TASP1: variants seen among roughly 807,000 people sequenced by gnomAD.
The protein encoded by TASP1 is taspase 1.
Under a neutral mutation model 56.6 loss-of-function variants are expected in TASP1, and 16 were observed. The observed-to-expected ratio is 0.28, with a 90% CI of 0.19 to 0.43. The LOEUF (loss-of-function observed/expected upper bound fraction) is 0.43, where lower values mean the gene tolerates loss of function less well. TASP1 is among the 20% of genes least tolerant of loss of function. The probability of loss-of-function intolerance (pLI) is 1.00; values close to 1 mark genes in which losing one functional copy is unlikely to be tolerated. For synonymous variants in TASP1, 179 were observed against 184.2 expected (o/e 0.97, Z 0.23); for missense variants, 393 against 511.6 (o/e 0.77, Z 2.24).
intron 11 of TASP1, among the ~76,000 whole-genome samples, chr20:13,444,026 C>T (rs556184192): frequency 2.2e-4 from 33 of 152,312 alleles, no homozygotes; most frequent in African/African-American, 7.9e-4. Flanking sequence ...TATTCTTGAA[C>T]AAGACACTCT....
the TASP1 span, among the ~76,000 whole-genome samples, chr20:13,219,507 G>T: frequency 6.6e-6 from 1 of 150,994 alleles, no homozygotes; most frequent in South Asian, 2.1e-4. Flanking sequence ...CCTAGAGATA[G>T]AAATAAGATG....
intron 10 of TASP1, among the ~76,000 whole-genome samples, chr20:13,498,069 G>C (rs2043795673): frequency 6.6e-6 from 1 of 152,020 alleles, no homozygotes; most frequent in Admixed American, 6.6e-5. Flanking sequence ...AAGAATATAT[G>C]ACTAAGACCT....
chr20:13,601,091 C>T (rs1358022356), intron 4 of TASP1, among the ~76,000 whole-genome samples: 1 of 152,156 alleles, frequency 6.6e-6, no homozygotes, highest in East Asian at 1.9e-4. Context: ...GCCTGGGCAA[C>T]ACAGCGAAAC....
the TASP1 span, among the ~76,000 whole-genome samples, chr20:13,181,697 A>T: frequency 6.6e-6 from 1 of 152,190 alleles, no homozygotes; most frequent in Admixed American, 6.5e-5. Flanking sequence ...GCAAGATCAG[A>T]GGTCAAGTAG....
chr20:13,362,754 G>A, the TASP1 span, among the ~76,000 whole-genome samples: 12 of 147,420 alleles, frequency 8.1e-5, no homozygotes, highest in African/African-American at 2.8e-4. Flanking sequence ...ATCAGTGGTT[G>A]CCTAGAATTA....
intron 12 of TASP1, among the ~76,000 whole-genome samples, chr20:13,427,970 A>T (rs2146135229): frequency 6.6e-6 from 1 of 152,306 alleles, no homozygotes; most frequent in Non-Finnish European, 1.5e-5. Flanking sequence ...ATGTGTGCTC[A>T]TCGCATAATC....
chr20:13,115,857 T>A, the TASP1 span, among the ~76,000 whole-genome samples: 1 of 152,192 alleles, frequency 6.6e-6, no homozygotes, highest in Non-Finnish European at 1.5e-5. Context: ...TCATCCTGTT[T>A]GTATTGCATA....
At chr20:13,260,060 C>T in the TASP1 span, among the ~76,000 whole-genome samples, 1 of 152,176 alleles carries the variant, frequency 6.6e-6, no homozygotes, top group African/African-American at 2.4e-5. Flanking sequence ...CCCACAATTG[C>T]ATCAGCTGCC....
chr20:13,205,402 A>G, the TASP1 span, among the ~76,000 whole-genome samples: 266 of 152,178 alleles, frequency 1.7e-3, 3 homozygotes, highest in Non-Finnish European at 1.1e-3. Flanking sequence ...GTCATGTTCT[A>G]CTTGAGCTTC....
chr20:13,130,340 C>A, the TASP1 span, among the ~76,000 whole-genome samples: 3 of 152,220 alleles, frequency 2.0e-5, no homozygotes, highest in East Asian at 5.8e-4. Flanking sequence ...GGCTCTGAGC[C>A]TTCATCTTCA....
At chr20:13,625,957 C>T (rs1209808642) in intron 2 of TASP1, among the ~76,000 whole-genome samples, 2 of 152,196 alleles carry the variant, frequency 1.3e-5, no homozygotes, top group African/African-American at 4.8e-5. Flanking sequence ...GGATACATAA[C>T]TTGCTTAGTT....
the TASP1 span, among the ~76,000 whole-genome samples, chr20:13,118,030 C>T: frequency 1.3e-5 from 2 of 152,046 alleles, no homozygotes; most frequent in African/African-American, 4.8e-5. Context: ...GTATCTAGGA[C>T]ATGGTTTAGA....
At chr20:13,538,578 T>C (rs1308323554) in intron 8 of TASP1, among the ~76,000 whole-genome samples, 1 of 152,134 alleles carries the variant, frequency 6.6e-6, no homozygotes, top group East Asian at 1.9e-4. Flanking sequence ...TACCCTAACA[T>C]GACAGTACAA....
At chr20:13,319,258 G>A in the TASP1 span, among the ~76,000 whole-genome samples, 2 of 152,028 alleles carry the variant, frequency 1.3e-5, no homozygotes, top group African/African-American at 4.8e-5. Flanking sequence ...AACCAAACAA[G>A]GCAAGGCCAA....
intron 6 of TASP1, among the ~76,000 whole-genome samples, chr20:13,578,389 T>A (rs2047004906): frequency 6.6e-6 from 1 of 152,144 alleles, no homozygotes; most frequent in Admixed American, 6.5e-5. Flanking sequence ...TAATCTTTTG[T>A]TTGCTACATA....
the TASP1 span, among the ~76,000 whole-genome samples, chr20:13,317,322 C>T: frequency 6.6e-6 from 1 of 152,100 alleles, no homozygotes; most frequent in African/African-American, 2.4e-5. Context: ...TTGAGAGATA[C>T]TCCATGTTAG....
At chr20:13,620,895 T>C (rs762710365) in intron 4 of TASP1, among the ~76,000 whole-genome samples, 103 of 152,306 alleles carry the variant, frequency 6.8e-4, no homozygotes, top group African/African-American at 2.0e-3. Context: ...CTACCCCAAC[T>C]GAACTCCATC....
chr20:13,285,552 G>A, the TASP1 span, among the ~76,000 whole-genome samples: 1 of 152,156 alleles, frequency 6.6e-6, no homozygotes, highest in Non-Finnish European at 1.5e-5. Flanking sequence ...CTTCACGCTT[G>A]GGGGAAGAGT....
chr20:13,271,906 G>A, the TASP1 span, among the ~76,000 whole-genome samples: 1 of 152,042 alleles, frequency 6.6e-6, no homozygotes. Context: ...AGCCTCCCGA[G>A]TAGCTGGAAC....
Sources: gnomAD v4.1 joint callset for allele counts (sites outside exome capture counted in the v4.1 genomes callset) on GRCh38, gnomAD v4.1.1 for gene constraint, MANE v1.5 for transcripts, NCBI Gene and HGNC (gene_info 2026-07-23, HGNC 2026-07-21) for gene names.